Variants in CDIN1 observed in about 807,000 individuals in gnomAD.
The protein encoded by CDIN1 is CDAN1-interacting nuclease 1.
In CDIN1, 33 loss-of-function variants were observed where a neutral mutation model predicts 45.3. The ratio of observed to expected loss-of-function variants is 0.73; its 90% confidence interval spans 0.55 to 0.97. CDIN1 has a LOEUF of 0.97. Ranked by LOEUF, CDIN1 falls within the 50% of genes least tolerant of loss-of-function variation. The probability of loss-of-function intolerance (pLI) is 0.00; values close to 1 mark genes in which losing one functional copy is unlikely to be tolerated. For missense variants in CDIN1, 303 were observed against 339.4 expected, an observed-to-expected ratio of 0.89 and a Z score of 0.84; for synonymous variants, 118 against 124.4, an observed-to-expected ratio of 0.95 and a Z score of 0.34.
chr15:36,774,163 T>TGC (rs1555407088), intron 10 of CDIN1, among the ~76,000 whole-genome samples: 85 of 143,148 alleles, frequency 5.9e-4, no homozygotes, highest in African/African-American at 1.5e-3. Flanking sequence ...TGTGTGTGTG[T>TGC]GCGCGCGCGC....
intron 1 of CDIN1, chr15:36,641,754 C>G (rs2040118735): frequency 6.6e-6 from 1 of 152,124 alleles, no homozygotes; most frequent in South Asian, 2.1e-4. Flanking sequence ...TGTGTGCGTA[C>G]TTGAAAGTTT....
rs1411905812 is a variant in CDIN1 at position 36,737,180 on chromosome 15, AAC to A, written c.716+27221_716+27222del. ...GAGACCCGGTCTCAAAAAAAAAAAAAACAAAAATTGCTTCACACTGCCCTTTT... is the reference window on the plus strand; with the variant it reads ...GAGACCCGGTCTCAAAAAAAAAAAAAAAAAATTGCTTCACACTGCCCTTTT... On this transcript the variant is annotated intron_variant, in intron 10 of 10. Coordinates refer to ENST00000566621, the MANE Select transcript of CDIN1 (RefSeq NM_001321759.2). 1.9e-4 allele frequency among the ~76,000 whole-genome samples: 29 copies of A among 150,982 alleles called. 5 individuals are homozygous for A. Among genetic ancestry groups the A allele is most frequent in the Non-Finnish European group, 1.8e-4 (12 of 67,594 alleles).
In CDIN1 at chr15:36,691,768, T is replaced by G; in HGVS notation, c.426+4T>G. ...TCTAGCAAATCAGGTCTATCAGGTA[T>G]TAATCACAGCTGTCTATTTTCAGTG... is the stretch of plus-strand genomic sequence containing the variant. On this transcript the variant is annotated splice_donor_region_variant and intron_variant, in intron 6 of 10. Transcript: ENST00000566621. 6.3e-7 allele frequency: 1 copy of G among 1,580,352 alleles called. No homozygotes were observed. Among genetic ancestry groups the G allele is most frequent in the Non-Finnish European group, 8.6e-7 (1 of 1,156,314 alleles).
chr15:36,791,978 T>G (rs559232675), intron 10 of CDIN1, among the ~76,000 whole-genome samples: 1 of 152,192 alleles, frequency 6.6e-6, no homozygotes, highest in African/African-American at 2.4e-5. Flanking sequence ...AAACACATAT[T>G]AATCAGCTAA....
intron 1 of CDIN1, among the ~76,000 whole-genome samples, chr15:36,634,597 A>G (rs1450024052): frequency 6.6e-6 from 1 of 152,130 alleles, no homozygotes; most frequent in Non-Finnish European, 1.5e-5. Flanking sequence ...TTTCTGAGAT[A>G]CTAGTTTTAT....
At chr15:36,725,286 T>C (rs2043582775) in intron 10 of CDIN1, among the ~76,000 whole-genome samples, 1 of 150,054 alleles carries the variant, frequency 6.7e-6, no homozygotes, top group Non-Finnish European at 1.5e-5. Flanking sequence ...TAAATAGATA[T>C]AAATGATTGC....
At chr15:36,787,861 A>G (rs897175435) in intron 10 of CDIN1, among the ~76,000 whole-genome samples, 2 of 151,108 alleles carry the variant, frequency 1.3e-5, no homozygotes, top group Admixed American at 6.6e-5. Context: ...ATATTTAGAT[A>G]TGTATCACAT....
intron 5 of CDIN1, among the ~76,000 whole-genome samples, chr15:36,665,236 G>A (rs1224231585): frequency 6.6e-6 from 1 of 152,136 alleles, no homozygotes; most frequent in African/African-American, 2.4e-5. Flanking sequence ...TGCATTGTGT[G>A]ATAAATATTA....
At chr15:36,754,691 T>A (rs193041999) in intron 10 of CDIN1, among the ~76,000 whole-genome samples, 1 of 152,064 alleles carries the variant, frequency 6.6e-6, no homozygotes, top group East Asian at 1.9e-4. Flanking sequence ...ATCATGATAT[T>A]TGAAAAGGCC....
intron 8 of CDIN1, among the ~76,000 whole-genome samples, chr15:36,701,837 CTG>C (rs1428739557): frequency 4.6e-5 from 7 of 152,134 alleles, no homozygotes; most frequent in Non-Finnish European, 4.4e-5. Flanking sequence ...CTGTGGGACT[CTG>C]AGAGAGTATA....
At chr15:36,802,111 A>AGTT (rs896937948) in intron 10 of CDIN1, among the ~76,000 whole-genome samples, 1 of 152,228 alleles carries the variant, frequency 6.6e-6, no homozygotes, top group African/African-American at 2.4e-5. Flanking sequence ...AAAGCATAGT[A>AGTT]GTTACAAGGG....
chr15:36,656,811 A>G (rs1055081018), intron 4 of CDIN1, among the ~76,000 whole-genome samples: 8 of 152,148 alleles, frequency 5.3e-5, no homozygotes, highest in Non-Finnish European at 1.5e-5. Context: ...AAAACTGTTC[A>G]TACAAATGAA....
At chr15:36,756,215 C>T in intron 10 of CDIN1, 1 of 442,528 alleles carries the variant, frequency 2.3e-6, no homozygotes, top group South Asian at 1.6e-5. Context: ...TACCAGCCCA[C>T]AATCTTGTTT....
chr15:36,704,609 A>G (rs1372295153), intron 8 of CDIN1: 1 of 151,570 alleles, frequency 6.6e-6, no homozygotes, highest in Non-Finnish European at 1.5e-5. Flanking sequence ...ATTAGTTACT[A>G]GAGTAGAAAA....
At chr15:36,772,713 GCTGTCAGAGGGTGACCTTTTC>G (rs2054109498) in intron 10 of CDIN1, among the ~76,000 whole-genome samples, 1 of 152,164 alleles carries the variant, frequency 6.6e-6, no homozygotes, top group Admixed American at 6.5e-5. Flanking sequence ...CTCTAGTTTT[GCTGTCAGAGGGTGACCTTTTC>G]CAGTCTTCTC....
chr15:36,593,405 G>A (rs143233615), intron 1 of CDIN1, among the ~76,000 whole-genome samples: 4 of 152,280 alleles, frequency 2.6e-5, no homozygotes, highest in African/African-American at 9.6e-5. Context: ...CTATCAGGTA[G>A]TAGCTTGACT....
At chr15:36,738,660 G>A (rs1412708252) in intron 10 of CDIN1, among the ~76,000 whole-genome samples, 2 of 152,136 alleles carry the variant, frequency 1.3e-5, no homozygotes, top group Non-Finnish European at 2.9e-5. Flanking sequence ...TACATACGTA[G>A]CTCACTGTCC....
chr15:36,707,162 T>C (rs922092168), intron 8 of CDIN1: 2 of 152,176 alleles, frequency 1.3e-5, no homozygotes, highest in African/African-American at 4.8e-5. Context: ...GCATTTTACA[T>C]GTTTGGCATA....
At chr15:36,804,062 G>GGCAATCTACTTAATTGTTCT (rs535574392) in intron 10 of CDIN1, among the ~76,000 whole-genome samples, 182 of 152,250 alleles carry the variant, frequency 1.2e-3, no homozygotes, top group African/African-American at 4.3e-3. Flanking sequence ...TGAGACCTTA[G>GGCAATCTACTTAATTGTTCT]GCAATCTACT....
Sources: gnomAD v4.1 joint callset for allele counts (sites outside exome capture counted in the v4.1 genomes callset) on GRCh38, gnomAD v4.1.1 for gene constraint, MANE v1.5 for transcripts, NCBI Gene and HGNC (gene_info 2026-07-23, HGNC 2026-07-21) for gene names.